TMEM132D: variants seen among roughly 807,000 people sequenced by gnomAD.
The protein encoded by TMEM132D is mature OL transmembrane protein.
A neutral mutation model predicts 62.3 loss-of-function variants in TMEM132D; 21 were observed. The observed-to-expected ratio is 0.34, with a 90% CI of 0.24 to 0.49. The LOEUF (loss-of-function observed/expected upper bound fraction) is 0.49. Ranked by LOEUF, TMEM132D falls within the 20% of genes least tolerant of loss-of-function variation. TMEM132D has a pLI of 0.99. For missense variants in TMEM132D, 1,346 were observed against 1,402.8 expected, an observed-to-expected ratio of 0.96 and a Z score of 0.65; for synonymous variants, 621 against 575.6, an observed-to-expected ratio of 1.08 and a Z score of -1.13.
At chr12:129,528,427 A>G (rs1327917907) in intron 3 of TMEM132D, among the ~76,000 whole-genome samples, 1 of 80,378 alleles carries the variant, frequency 1.2e-5, no homozygotes, top group East Asian at 3.0e-4. Flanking sequence ...ATACATGCAC[A>G]CAGCAAAAAA....
intron 3 of TMEM132D, among the ~76,000 whole-genome samples, chr12:129,432,995 A>C (rs1014752314): frequency 1.3e-5 from 2 of 152,162 alleles, no homozygotes; most frequent in Non-Finnish European, 2.9e-5. Context: ...TCATCTGTTT[A>C]AAACTTTTAT....
chr12:129,788,686 T>C (rs1871311116), intron 1 of TMEM132D, among the ~76,000 whole-genome samples: 1 of 152,042 alleles, frequency 6.6e-6, no homozygotes, highest in African/African-American at 2.4e-5. Context: ...GAACAAGCAT[T>C]TTGAGCATAA....
intron 3 of TMEM132D, among the ~76,000 whole-genome samples, chr12:129,353,190 T>C (rs1031098568): frequency 6.8e-6 from 1 of 147,796 alleles, no homozygotes; most frequent in Non-Finnish European, 1.5e-5. Context: ...TGAACAACCA[T>C]GTTAGAGGTT....
At chr12:129,628,709 GCA>G (rs1270017648) in intron 2 of TMEM132D, among the ~76,000 whole-genome samples, 1 of 152,100 alleles carries the variant, frequency 6.6e-6, no homozygotes, top group Non-Finnish European at 1.5e-5. Context: ...CTAAGGAAAA[GCA>G]CAGTGTGGGG....
At position 129,706,498 on chromosome 12, in the gene TMEM132D, T is replaced by C. The variant is rs185504417; in HGVS notation, c.80-5800A>G. Among the ~76,000 whole-genome samples the C allele has an allele frequency of 2.0e-5, 3 of 152,040 alleles. No homozygotes were observed. The East Asian group carries it at 5.8e-4, about 29-fold the overall frequency. ...AGCCCCCAAATTAATGTAACAAAAA[T>C]CTCTTAAAATTACAAGTAGAAATTG... On this transcript the variant is annotated intron_variant, in intron 1 of 8. Transcript: ENST00000422113.
chr12:129,893,550 C>G (rs1314702298), intron 1 of TMEM132D, among the ~76,000 whole-genome samples: 1 of 152,076 alleles, frequency 6.6e-6, no homozygotes, highest in Non-Finnish European at 1.5e-5. Flanking sequence ...GAAGTCATCG[C>G]TTTTCCAAGT....
intron 3 of TMEM132D, among the ~76,000 whole-genome samples, chr12:129,394,133 G>A (rs1871358421): frequency 6.6e-6 from 1 of 152,216 alleles, no homozygotes; most frequent in Non-Finnish European, 1.5e-5. Flanking sequence ...AACAGGCGGA[G>A]GATGCTGTGC....
At chr12:129,314,559 C>T (rs539025390) in intron 4 of TMEM132D, among the ~76,000 whole-genome samples, 6 of 152,288 alleles carry the variant, frequency 3.9e-5, no homozygotes, top group South Asian at 4.1e-4. Context: ...AGTGTGATGC[C>T]TCCAGATTTG....
At chr12:129,443,993 G>C (rs1379408216) in intron 3 of TMEM132D, among the ~76,000 whole-genome samples, 1 of 152,124 alleles carries the variant, frequency 6.6e-6, no homozygotes, top group African/African-American at 2.4e-5. Flanking sequence ...CAAGAAAATT[G>C]ACAAGCAATG....
At chr12:129,428,362 C>G (rs1352626972) in intron 3 of TMEM132D, among the ~76,000 whole-genome samples, 1 of 152,124 alleles carries the variant, frequency 6.6e-6, no homozygotes, top group Non-Finnish European at 1.5e-5. Context: ...CAACAAGAAA[C>G]AAAAACCATC....
chr12:129,310,392 T>C (rs1008685452), intron 4 of TMEM132D, among the ~76,000 whole-genome samples: 3 of 152,162 alleles, frequency 2.0e-5, no homozygotes, highest in Non-Finnish European at 4.4e-5. Flanking sequence ...CTGTTACCAA[T>C]CCTTGGCCTG....
intron 2 of TMEM132D, among the ~76,000 whole-genome samples, chr12:129,615,484 C>T (rs1878888750): frequency 6.7e-6 from 1 of 149,730 alleles, no homozygotes; most frequent in South Asian, 2.1e-4. Flanking sequence ...GGCATGGTGG[C>T]TCACACCTGT....
At chr12:129,506,222 G>A (rs1453502813) in intron 3 of TMEM132D, among the ~76,000 whole-genome samples, 1 of 152,054 alleles carries the variant, frequency 6.6e-6, no homozygotes, top group South Asian at 2.1e-4. Flanking sequence ...TGGTTTGGTC[G>A]TAGCAAATTC....
intron 4 of TMEM132D, among the ~76,000 whole-genome samples, chr12:129,334,453 A>G (rs555704464): frequency 1.3e-5 from 2 of 152,324 alleles, no homozygotes; most frequent in African/African-American, 4.8e-5. Context: ...ACACTCTTTT[A>G]CCAACCAAGT....
At chr12:129,591,015 G>C (rs1015664740) in intron 2 of TMEM132D, among the ~76,000 whole-genome samples, 1 of 152,232 alleles carries the variant, frequency 6.6e-6, no homozygotes, top group East Asian at 1.9e-4. Flanking sequence ...TATGGTGAGA[G>C]AAAAGAAAGA....
chr12:129,276,774 A>C (rs1398504533), intron 4 of TMEM132D, among the ~76,000 whole-genome samples: 1 of 152,276 alleles, frequency 6.6e-6, no homozygotes, highest in South Asian at 2.1e-4. Context: ...AAACTTTTAA[A>C]GTATAATGAC....
At chr12:129,264,645 T>A (rs141341182) in intron 4 of TMEM132D, among the ~76,000 whole-genome samples, 1,709 of 152,256 alleles carry the variant, frequency 0.011, 33 homozygotes, top group African/African-American at 0.039. Context: ...TAATCCACAA[T>A]TGCAAAATCG....
chr12:129,574,678 C>G (rs1226774799), intron 2 of TMEM132D, among the ~76,000 whole-genome samples: 2 of 151,682 alleles, frequency 1.3e-5, no homozygotes, highest in Non-Finnish European at 2.9e-5. Context: ...CTCACATAAG[C>G]CGTCAGCATC....
chr12:129,290,430 C>T (rs1417726110), intron 4 of TMEM132D, among the ~76,000 whole-genome samples: 1 of 152,144 alleles, frequency 6.6e-6, no homozygotes, highest in Non-Finnish European at 1.5e-5. Context: ...CACACCTGAG[C>T]TGCTGCTAGC....
Sources: allele counts gnomAD v4.1 joint callset (sites outside exome capture counted in the v4.1 genomes callset), GRCh38; gene constraint gnomAD v4.1.1; transcripts MANE v1.5; gene names NCBI Gene and HGNC (gene_info 2026-07-23, HGNC 2026-07-21).